The following LRRTM4 variants were observed in gnomAD, a reference collection of about 807,000 sequenced individuals.
LRRTM4 encodes leucine rich repeat transmembrane neuronal 4.
A neutral mutation model predicts 47.6 loss-of-function variants in LRRTM4; 25 were observed. That is an observed-to-expected ratio of 0.53 (90% CI 0.38 to 0.73). The LOEUF (loss-of-function observed/expected upper bound fraction) is 0.73. LRRTM4 is among the 30% of genes least tolerant of loss of function. The probability of loss-of-function intolerance (pLI) is 0.00; values close to 1 mark genes in which losing one functional copy is unlikely to be tolerated. For synonymous variants in LRRTM4, 311 were observed against 269.5 expected (o/e 1.15, Z -1.51); for missense variants, 638 against 713.4 (o/e 0.89, Z 1.20).
chr2:76,755,897 T>C (rs761711399), intron 3 of LRRTM4, among the ~76,000 whole-genome samples: 7 of 152,108 alleles, frequency 4.6e-5, no homozygotes, highest in Non-Finnish European at 1.0e-4. Flanking sequence ...AAAACTGAGT[T>C]CCTGGCCATG....
At chr2:76,940,454 T>G (rs142962398) in intron 3 of LRRTM4, among the ~76,000 whole-genome samples, 2 of 151,846 alleles carry the variant, frequency 1.3e-5, no homozygotes, top group Non-Finnish European at 2.9e-5. Flanking sequence ...CATGGACACA[T>G]AGAGGGGAAC....
intron 3 of LRRTM4, among the ~76,000 whole-genome samples, chr2:77,182,839 T>G (rs1216215168): frequency 6.6e-6 from 1 of 152,268 alleles, no homozygotes; most frequent in East Asian, 1.9e-4. Context: ...GGGGAAAGGA[T>G]TCCCTATTTA....
At chr2:76,862,974 G>C (rs143289399) in intron 3 of LRRTM4, among the ~76,000 whole-genome samples, 1 of 152,068 alleles carries the variant, frequency 6.6e-6, no homozygotes, top group Non-Finnish European at 1.5e-5. Flanking sequence ...TCTACCCTCC[G>C]ATTATCTACT....
intron 3 of LRRTM4, among the ~76,000 whole-genome samples, chr2:77,211,775 A>G (rs1229214040): frequency 6.6e-6 from 1 of 152,166 alleles, no homozygotes; most frequent in Admixed American, 6.6e-5. Context: ...GAAGATTTTA[A>G]GCGAAATATC....
At chr2:76,750,429 A>G (rs1273774302) in intron 3 of LRRTM4, among the ~76,000 whole-genome samples, 1 of 152,216 alleles carries the variant, frequency 6.6e-6, no homozygotes, top group Admixed American at 6.5e-5. Context: ...TACCACAGCA[A>G]TATCTTAGCC....
intron 3 of LRRTM4, among the ~76,000 whole-genome samples, chr2:77,019,857 A>G (rs1371423401): frequency 6.6e-6 from 1 of 152,134 alleles, no homozygotes; most frequent in Non-Finnish European, 1.5e-5. Context: ...GGTAATGGGA[A>G]AAGGTTAGAA....
At chr2:76,959,586 A>T (rs1268616323) in intron 3 of LRRTM4, among the ~76,000 whole-genome samples, 2 of 151,766 alleles carry the variant, frequency 1.3e-5, no homozygotes, top group African/African-American at 4.8e-5. Context: ...GGGATAAAGT[A>T]GAAGGCAGTA....
chr2:77,061,993 A>G (rs952447059), intron 3 of LRRTM4, among the ~76,000 whole-genome samples: 5 of 152,208 alleles, frequency 3.3e-5, no homozygotes, highest in African/African-American at 1.2e-4. Context: ...GTGACCTTAT[A>G]AAGTACAGTA....
intron 3 of LRRTM4, among the ~76,000 whole-genome samples, chr2:77,018,036 T>C (rs774682664): frequency 1.3e-5 from 2 of 151,930 alleles, no homozygotes; most frequent in Non-Finnish European, 2.9e-5. Context: ...TTTAGATCAA[T>C]ATATACTTGA....
At chr2:77,078,170 C>G (rs1380693627) in intron 3 of LRRTM4, among the ~76,000 whole-genome samples, 1 of 152,060 alleles carries the variant, frequency 6.6e-6, no homozygotes, top group Non-Finnish European at 1.5e-5. Context: ...ATAAAAATAC[C>G]TCCATAAGCC....
chr2:76,855,514 T>C (rs548834336), intron 3 of LRRTM4, among the ~76,000 whole-genome samples: 35 of 152,332 alleles, frequency 2.3e-4, no homozygotes, highest in African/African-American at 7.2e-4. Flanking sequence ...GGGAATAGAT[T>C]AGTGCCGAAG....
chr2:77,405,423 G>A (rs750796529), intron 3 of LRRTM4, among the ~76,000 whole-genome samples: 36 of 151,982 alleles, frequency 2.4e-4, no homozygotes, highest in Non-Finnish European at 4.7e-4. Context: ...CTGTTTTATG[G>A]AACAACATGC....
At chr2:76,792,778 C>T (rs1281703128) in intron 3 of LRRTM4, among the ~76,000 whole-genome samples, 1 of 152,082 alleles carries the variant, frequency 6.6e-6, no homozygotes. Flanking sequence ...TCCTTCTCTC[C>T]TCAACTTAGA....
chr2:76,861,815 A>G (rs1672321490), intron 3 of LRRTM4, among the ~76,000 whole-genome samples: 1 of 152,284 alleles, frequency 6.6e-6, no homozygotes, highest in South Asian at 2.1e-4. Flanking sequence ...CCCATGACAT[A>G]AAGGAATGTC....
chr2:77,393,784 C>A (rs1343713993), intron 3 of LRRTM4, among the ~76,000 whole-genome samples: 1 of 151,832 alleles, frequency 6.6e-6, no homozygotes, highest in South Asian at 2.1e-4. Context: ...GGGACTACAA[C>A]AAAGGGACAG....
intron 3 of LRRTM4, among the ~76,000 whole-genome samples, chr2:77,020,013 A>G (rs145368613): frequency 1.3e-5 from 2 of 152,228 alleles, no homozygotes; most frequent in East Asian, 1.9e-4. Flanking sequence ...TGGAAAATTT[A>G]TCTCCTAGGT....
At chr2:77,483,357 G>A (rs1209964414) in intron 3 of LRRTM4, among the ~76,000 whole-genome samples, 1 of 151,948 alleles carries the variant, frequency 6.6e-6, no homozygotes, top group African/African-American at 2.4e-5. Flanking sequence ...TTTAGTGGTG[G>A]AGGGGGACAG....
At chr2:76,939,186 T>C (rs899982615) in intron 3 of LRRTM4, among the ~76,000 whole-genome samples, 1 of 152,212 alleles carries the variant, frequency 6.6e-6, no homozygotes, top group African/African-American at 2.4e-5. Context: ...TTTAGGTTGA[T>C]GTTTGTAGCT....
At chr2:77,394,247 T>C (rs290028) in intron 3 of LRRTM4, among the ~76,000 whole-genome samples, 70,555 of 151,714 alleles carry the variant, frequency 0.47, 16,613 homozygotes, top group East Asian at 0.6. Context: ...TGTTGTAATG[T>C]CTCTAGCTTC....
Sources: allele counts gnomAD v4.1 joint callset (sites outside exome capture counted in the v4.1 genomes callset), GRCh38; gene constraint gnomAD v4.1.1; transcripts MANE v1.5; gene names NCBI Gene and HGNC (gene_info 2026-07-23, HGNC 2026-07-21).